Variants in FILIP1L observed in about 807,000 individuals in gnomAD.
FILIP1L encodes the protein filamin A-interacting protein 1-like.
FILIP1L carries 55 observed loss-of-function variants against 96.6 expected under a neutral mutation model. The observed-to-expected ratio is 0.57, with a 90% CI of 0.46 to 0.71. FILIP1L has a LOEUF of 0.71. Among genes scored for constraint, FILIP1L ranks in the 30% least tolerant of loss-of-function variants. The pLI, the probability that FILIP1L is intolerant of heterozygous loss-of-function variation, is 0.00. For missense variants in FILIP1L, 1,304 were observed against 1,321.2 expected, an observed-to-expected ratio of 0.99 and a Z score of 0.20; for synonymous variants, 467 against 473.9, an observed-to-expected ratio of 0.99 and a Z score of 0.19.
At chr3:99,988,244 TC>T (rs1377084801) in intron 1 of FILIP1L, among the ~76,000 whole-genome samples, 1 of 149,246 alleles carries the variant, frequency 6.7e-6, no homozygotes, top group Non-Finnish European at 1.5e-5. Context: ...ACGCCTGTAA[TC>T]CCAGCACTTT....
intron 1 of FILIP1L, among the ~76,000 whole-genome samples, chr3:100,056,370 C>G (rs953551930): frequency 6.6e-6 from 1 of 152,134 alleles, no homozygotes; most frequent in African/African-American, 2.4e-5. Context: ...CTATGGGAGG[C>G]TTTTTAGAAA....
chr3:99,921,099 T>C (rs1369356547), intron 4 of FILIP1L, among the ~76,000 whole-genome samples: 4 of 152,188 alleles, frequency 2.6e-5, no homozygotes, highest in Admixed American at 2.0e-4. Flanking sequence ...GAAGTAAACA[T>C]TGTTCTTTGA....
intron 1 of FILIP1L, among the ~76,000 whole-genome samples, chr3:100,012,466 TA>T (rs746351187): frequency 3.3e-5 from 5 of 152,046 alleles, no homozygotes; most frequent in Non-Finnish European, 7.3e-5. Context: ...TAGTATTTTC[TA>T]ACTTTGGAGG....
intron 1 of FILIP1L, among the ~76,000 whole-genome samples, chr3:100,110,448 A>G (rs928960834): frequency 6.6e-6 from 1 of 152,086 alleles, no homozygotes; most frequent in Non-Finnish European, 1.5e-5. Flanking sequence ...TAGTCAAGTG[A>G]TTGTCCCTGG....
intron 1 of FILIP1L, among the ~76,000 whole-genome samples, chr3:100,038,417 T>C (rs2065146253): frequency 6.6e-6 from 1 of 152,192 alleles, no homozygotes; most frequent in African/African-American, 2.4e-5. Context: ...GCCAAATTAT[T>C]TCTTTTTTCA....
chr3:99,860,060 G>A (rs760350053), intron 4 of FILIP1L, among the ~76,000 whole-genome samples: 12 of 152,124 alleles, frequency 7.9e-5, no homozygotes, highest in Non-Finnish European at 1.8e-4. Flanking sequence ...GAATATGAGT[G>A]TACATCTATG....
chr3:99,969,889 T>C (rs1169240616), intron 1 of FILIP1L, among the ~76,000 whole-genome samples: 3 of 152,144 alleles, frequency 2.0e-5, no homozygotes, highest in Admixed American at 2.0e-4. Context: ...GAATAAGTGT[T>C]ATGGAGGGAC....
intron 4 of FILIP1L, among the ~76,000 whole-genome samples, chr3:99,860,024 A>G (rs1944164321): frequency 6.6e-6 from 1 of 152,192 alleles, no homozygotes; most frequent in African/African-American, 2.4e-5. Flanking sequence ...GTAGAACAGT[A>G]ACACTTTTTT....
rs1492341 is a variant in FILIP1L at position 99,869,703 on chromosome 3, C to T, written c.606-18633G>A. On this transcript the variant is annotated intron_variant, in intron 4 of 5. Coordinates refer to ENST00000477258, the MANE Select transcript of FILIP1L (RefSeq NM_001387850.1). ...CAGGCAGACACTTAAGTCTTGCGAG[C>T]CCAAATGTGATGTTTTACATTCCAC... is the stretch of plus-strand genomic sequence containing the variant. Among the ~76,000 whole-genome samples the T allele has an allele frequency of 4.6e-5, 7 of 152,266 alleles. No homozygotes were observed. In the East Asian group the frequency reaches 1.4e-3, roughly 29 times the overall value.
At chr3:99,941,997 C>T (rs1414441581) in intron 1 of FILIP1L, among the ~76,000 whole-genome samples, 1 of 152,068 alleles carries the variant, frequency 6.6e-6, no homozygotes, top group Non-Finnish European at 1.5e-5. Context: ...TAAGAATTTA[C>T]TGTTTTCAGG....
chr3:99,953,243 G>A (rs1361329210), intron 1 of FILIP1L, among the ~76,000 whole-genome samples: 1 of 152,036 alleles, frequency 6.6e-6, no homozygotes, highest in Non-Finnish European at 1.5e-5. Flanking sequence ...TATTGGTTAA[G>A]CTATAACCAA....
intron 1 of FILIP1L, among the ~76,000 whole-genome samples, chr3:100,014,963 C>T (rs1471987077): frequency 2.0e-5 from 2 of 102,444 alleles, no homozygotes; most frequent in Admixed American, 1.4e-4. Context: ...AAAATTATTT[C>T]CCCTACCAAT....
chr3:100,038,156 A>G (rs978824215), intron 1 of FILIP1L, among the ~76,000 whole-genome samples: 14 of 152,042 alleles, frequency 9.2e-5, no homozygotes, highest in Non-Finnish European at 1.9e-4. Flanking sequence ...GAGTTTCACC[A>G]TACTGGCCAG....
At chr3:100,102,685 G>A (rs1293393552) in intron 1 of FILIP1L, among the ~76,000 whole-genome samples, 1 of 152,112 alleles carries the variant, frequency 6.6e-6, no homozygotes, top group East Asian at 1.9e-4. Flanking sequence ...TAGTTACTCC[G>A]TGTTTGACTA....
At chr3:99,948,189 G>T (rs2107684853) in intron 1 of FILIP1L, among the ~76,000 whole-genome samples, 1 of 152,184 alleles carries the variant, frequency 6.6e-6, no homozygotes, top group Admixed American at 6.5e-5. Flanking sequence ...CTAAAACATT[G>T]CATGGTATAG....
intron 4 of FILIP1L, among the ~76,000 whole-genome samples, chr3:99,894,792 C>T (rs1400143186): frequency 6.6e-6 from 1 of 152,076 alleles, no homozygotes; most frequent in African/African-American, 2.4e-5. Context: ...TTTTGTAGCA[C>T]AATAATAGCA....
At chr3:100,106,513 AC>A (rs543378487) in intron 1 of FILIP1L, among the ~76,000 whole-genome samples, 133 of 152,206 alleles carry the variant, frequency 8.7e-4, no homozygotes, top group African/African-American at 3.0e-3. Flanking sequence ...GCACCCAGAA[AC>A]CCCACTTTGA....
intron 5 of FILIP1L, among the ~76,000 whole-genome samples, chr3:99,839,237 G>T (rs1181905409): frequency 6.6e-6 from 1 of 152,102 alleles, no homozygotes; most frequent in Admixed American, 6.5e-5. Context: ...CCTTCTCTGT[G>T]TTGAGCTCTT....
At chr3:100,046,446 A>G (rs1362811771) in intron 1 of FILIP1L, among the ~76,000 whole-genome samples, 1 of 150,552 alleles carries the variant, frequency 6.6e-6, no homozygotes, top group Non-Finnish European at 1.5e-5. Context: ...TTTTAAGTTT[A>G]CTAGTAGTAG....
Sources: gnomAD v4.1 joint callset for allele counts (sites outside exome capture counted in the v4.1 genomes callset) on GRCh38, gnomAD v4.1.1 for gene constraint, MANE v1.5 for transcripts, NCBI Gene and HGNC (gene_info 2026-07-23, HGNC 2026-07-21) for gene names.